Variants in LRBA observed in about 807,000 individuals in gnomAD.
LRBA encodes the protein LPS responsive beige-like anchor protein, also known as lipopolysaccharide-responsive and beige-like anchor protein.
A neutral mutation model predicts 330.0 loss-of-function variants in LRBA; 176 were observed. The observed-to-expected ratio is 0.53, with a 90% CI of 0.47 to 0.60. The LOEUF (loss-of-function observed/expected upper bound fraction) is 0.60, where lower values mean the gene tolerates loss of function less well. LRBA is among the 20% of genes least tolerant of loss of function. The probability of loss-of-function intolerance (pLI) is 0.00; values close to 1 mark genes in which losing one functional copy is unlikely to be tolerated. For missense variants in LRBA, 3,259 were observed against 3,444.8 expected, an observed-to-expected ratio of 0.95 and a Z score of 1.35; for synonymous variants, 1,230 against 1,193.0, an observed-to-expected ratio of 1.03 and a Z score of -0.64.
At chr4:150,891,492 T>C (rs1729453222) in intron 17 of LRBA, among the ~76,000 whole-genome samples, 1 of 152,086 alleles carries the variant, frequency 6.6e-6, no homozygotes, top group Admixed American at 6.6e-5. Flanking sequence ...AATAAGCAGA[T>C]TTTTTGTATG....
rs559694488 is a variant in LRBA, at chr4:150,390,741, T to C, written c.7194+24697A>G. Among the ~76,000 whole-genome samples, 80 of 152,200 alleles carry C rather than the reference T, an allele frequency of 5.3e-4. 1 individual carries two copies. The South Asian group carries it at 8.7e-3, about 17-fold the overall frequency. ...TCATTTCTTCTACCCCCTAATACCTTTATTCTTCTTGAGTGATACCAGGAG... is the reference window on the plus strand; with the variant it reads ...TCATTTCTTCTACCCCCTAATACCTCTATTCTTCTTGAGTGATACCAGGAG... On this transcript the variant is annotated intron_variant, in intron 47 of 56. Coordinates refer to ENST00000651943, the MANE Select transcript of LRBA (RefSeq NM_001364905.1).
chr4:150,962,138 C>T (rs7677374), intron 2 of LRBA, among the ~76,000 whole-genome samples: 119,525 of 148,868 alleles, frequency 0.8, 52,394 homozygotes, highest in Non-Finnish European at 0.95. Flanking sequence ...ATTCAATAAA[C>T]AGCATTAAAT....
At chr4:150,355,611 G>C (rs918534126) in intron 47 of LRBA, among the ~76,000 whole-genome samples, 1 of 152,156 alleles carries the variant, frequency 6.6e-6, no homozygotes, top group African/African-American at 2.4e-5. Context: ...CAGGCTTCTA[G>C]AAGGCCCAAG....
At chr4:150,438,201 G>A (rs1347249889) in intron 44 of LRBA, among the ~76,000 whole-genome samples, 3 of 152,148 alleles carry the variant, frequency 2.0e-5, no homozygotes, top group Non-Finnish European at 4.4e-5. Flanking sequence ...AAGATACAGA[G>A]GCCAGGTGCA....
At chr4:150,774,337 G>A (rs556594003) in intron 34 of LRBA, among the ~76,000 whole-genome samples, 3 of 152,058 alleles carry the variant, frequency 2.0e-5, no homozygotes, top group Non-Finnish European at 2.9e-5. Flanking sequence ...AAGACTTGTC[G>A]TTGTAAGACT....
chr4:150,786,400 C>T (rs560204424), intron 34 of LRBA, among the ~76,000 whole-genome samples: 10 of 152,062 alleles, frequency 6.6e-5, no homozygotes, highest in Non-Finnish European at 1.2e-4. Context: ...CCCGCCACCA[C>T]GCCCAGCTAA....
At chr4:150,453,302 T>C (rs1753619858) in intron 44 of LRBA, among the ~76,000 whole-genome samples, 1 of 152,184 alleles carries the variant, frequency 6.6e-6, no homozygotes, top group Admixed American at 6.5e-5. Context: ...TACTCAAGAC[T>C]GTGATACTGA....
At chr4:150,688,086 T>C (rs1783783889) in intron 36 of LRBA, among the ~76,000 whole-genome samples, 2 of 152,186 alleles carry the variant, frequency 1.3e-5, no homozygotes, top group Non-Finnish European at 2.9e-5. Context: ...AACAGCATGG[T>C]ACTGGTACCA....
intron 44 of LRBA, among the ~76,000 whole-genome samples, chr4:150,446,849 T>C (rs1462925881): frequency 6.6e-6 from 1 of 152,210 alleles, no homozygotes; most frequent in Non-Finnish European, 1.5e-5. Context: ...GTTGGGATAG[T>C]CATCAACATA....
chr4:150,411,314 T>C (rs555651601), intron 47 of LRBA, among the ~76,000 whole-genome samples: 37 of 152,144 alleles, frequency 2.4e-4, no homozygotes, highest in South Asian at 4.1e-4. Flanking sequence ...GGTGAGACAG[T>C]AGTTACAGTC....
intron 22 of LRBA, among the ~76,000 whole-genome samples, chr4:150,861,270 G>GGTGTGT (rs35115144): frequency 0.026 from 3,616 of 137,842 alleles, 103 homozygotes; most frequent in African/African-American, 0.071. Flanking sequence ...CCCAGCTAAT[G>GGTGTGT]GTGTGTGTGT....
intron 36 of LRBA, among the ~76,000 whole-genome samples, chr4:150,719,689 A>G (rs1021265536): frequency 6.6e-6 from 1 of 152,144 alleles, no homozygotes; most frequent in Non-Finnish European, 1.5e-5. Flanking sequence ...CAAAATTCTG[A>G]TAATTTTCTT....
chr4:150,273,127 A>G (rs1025274246), intron 56 of LRBA, among the ~76,000 whole-genome samples: 7 of 152,242 alleles, frequency 4.6e-5, no homozygotes, highest in African/African-American at 1.4e-4. Flanking sequence ...CAGAAACCCT[A>G]CAAGCCAGAA....
chr4:150,931,747 G>A (rs6819868), intron 2 of LRBA, among the ~76,000 whole-genome samples: 11,473 of 151,808 alleles, frequency 0.076, 820 homozygotes, highest in African/African-American at 0.19. Flanking sequence ...GGGTGACAGT[G>A]CAAGATCCTG....
chr4:150,331,484 C>T (rs891496834), intron 48 of LRBA, among the ~76,000 whole-genome samples: 4 of 152,176 alleles, frequency 2.6e-5, no homozygotes, highest in African/African-American at 7.2e-5. Context: ...TGAATCCCCA[C>T]ATATCCATTA....
At chr4:151,005,410 C>T (rs1385674545) in intron 2 of LRBA, among the ~76,000 whole-genome samples, 4 of 115,178 alleles carry the variant, frequency 3.5e-5, no homozygotes, top group Non-Finnish European at 6.5e-5. Context: ...TGCACTTCAG[C>T]CCAGACAACA....
chr4:150,480,503 G>A (rs948767897), intron 42 of LRBA, among the ~76,000 whole-genome samples: 3 of 151,764 alleles, frequency 2.0e-5, no homozygotes, highest in Non-Finnish European at 2.9e-5. Flanking sequence ...TTATCAAAAC[G>A]ATGAAAAGTT....
In LRBA at chr4:150,489,208, A is replaced by ATATATACGAATATATAATATAT. The variant is rs1469785414; in HGVS notation, c.6449-1396_6449-1375dup. Reference sequence around the variant, plus strand: ...AATATATTATATATAAGTATATATTATATATACGAATATATAATATATTAT... The same window carrying ATATATACGAATATATAATATAT: ...AATATATTATATATAAGTATATATTATATATACGAATATATAATATATTATATACGAATATATAATATATTAT... On this transcript the variant is annotated intron_variant, in intron 41 of 56. Coordinates refer to ENST00000651943, the MANE Select transcript of LRBA (RefSeq NM_001364905.1). 1.0e-4 allele frequency among the ~76,000 whole-genome samples: 11 copies of ATATATACGAATATATAATATAT among 109,274 alleles called. 1 individual carries two copies. The highest frequency in any genetic ancestry group is 4.3e-4 in the African/African-American group (11 of 25,734). The allele number at this position is 109,274 out of a possible 152,430, so 71.7% of individuals were successfully genotyped here. A position where few individuals can be genotyped will look rare whatever the true frequency, so the allele number is the denominator to read the frequency against.
intron 48 of LRBA, among the ~76,000 whole-genome samples, chr4:150,331,045 G>C (rs1364863847): frequency 1.6e-4 from 25 of 152,114 alleles, no homozygotes; most frequent in Admixed American, 1.6e-3. Flanking sequence ...TCTGAAAGAT[G>C]TCACTAAAGG....
Sources: allele counts gnomAD v4.1 joint callset (sites outside exome capture counted in the v4.1 genomes callset), GRCh38; gene constraint gnomAD v4.1.1; transcripts MANE v1.5; gene names NCBI Gene and HGNC (gene_info 2026-07-23, HGNC 2026-07-21).